Variants in PHF6 observed in about 807,000 individuals in gnomAD.
PHF6 encodes the protein PHD finger protein 6.
In PHF6, 7 loss-of-function variants were observed where a neutral mutation model predicts 34.0. That is an observed-to-expected ratio of 0.21 (90% CI 0.12 to 0.39). The LOEUF (loss-of-function observed/expected upper bound fraction) is 0.39, where lower values mean the gene tolerates loss of function less well. Ranked by LOEUF, PHF6 falls within the 10% of genes least tolerant of loss-of-function variation. PHF6 has a pLI of 1.00. For synonymous variants in PHF6, 89 were observed against 88.4 expected, an observed-to-expected ratio of 1.01 and a Z score of -0.04; for missense variants, 128 against 262.8, an observed-to-expected ratio of 0.49 and a Z score of 3.55.
intron 3 of PHF6, among the ~76,000 whole-genome samples, chrX:134,381,694 C>A (rs2077308280): frequency 9.1e-6 from 1 of 109,841 alleles, no homozygotes; most frequent in African/African-American, 3.3e-5. Context: ...GGGGTTTCAC[C>A]ATGTTAGGCT....
At chrX:134,393,429 A>T (rs1245595042) in intron 3 of PHF6, 72 bp from the exon 4 acceptor site, 1 of 1,073,235 alleles carries the variant, frequency 9.3e-7, no homozygotes, top group Non-Finnish European at 1.3e-6. Context: ...ACAGAAATTG[A>T]TATGCCTCTA....
Position 134,393,756 on chromosome X carries a change from A to G in PHF6, c.374+122A>G, listed in dbSNP as rs7059389. The G allele has an allele frequency of 5.9e-3, 4,846 of 820,021 alleles. 156 individuals carry two copies. The African/African-American group carries it at 0.088, about 15-fold the overall frequency. The allele number at this position is 820,021 out of a possible 1,213,427, so 67.6% of individuals were successfully genotyped here. On this transcript the variant is annotated intron_variant, in intron 4 of 10. Transcript: ENST00000370803. Reference sequence around the variant, plus strand: ...ATCATAAAGGGTGTTTTTGATAAGAAATTTAATACTTAGAGAAATAGTACA... The same window carrying G: ...ATCATAAAGGGTGTTTTTGATAAGAGATTTAATACTTAGAGAAATAGTACA...
In PHF6 at chrX:134,413,539, C is replaced by T. The variant is rs749522213; in HGVS notation, c.467C>T (p.Pro156Leu). Residue 156 changes from proline (P) to leucine (L), a missense_variant, in exon 6 of 11, where the codon CCT becomes CTT. Pro to Leu is a moderately conservative substitution (Grantham distance 98). Coordinates refer to ENST00000370803, the MANE Select transcript of PHF6 (RefSeq NM_001015877.2). ...FNEHELEPSS[P>L]KSKKKSRKGR... ...GAACATGAACTGGAGCCCTCATCAC[C>T]TAAAAGTAAAAAGAAAAGTCGCAAA... 1 of 1,210,549 alleles carries T rather than the reference C, an allele frequency of 8.3e-7. No homozygotes were observed.
intron 5 of PHF6, among the ~76,000 whole-genome samples, chrX:134,398,461 G>A (rs771078356): frequency 4.5e-5 from 5 of 111,804 alleles, no homozygotes; most frequent in African/African-American, 9.8e-5. Context: ...GGCCACAATG[G>A]TAGGGATTTT....
chrX:134,417,882 A>G (rs1052559520), intron 9 of PHF6: 2 of 112,498 alleles, frequency 1.8e-5, no homozygotes, highest in African/African-American at 3.3e-5. Flanking sequence ...AAAAAACACT[A>G]CATATACTCT....
At chrX:134,405,388 A>G (rs2077418725) in intron 5 of PHF6, among the ~76,000 whole-genome samples, 1 of 111,198 alleles carries the variant, frequency 9.0e-6, no homozygotes, top group Admixed American at 9.6e-5. Flanking sequence ...TAGTAGAGAC[A>G]GGGTTTTGCC....
intron 3 of PHF6, among the ~76,000 whole-genome samples, chrX:134,385,280 TTCTG>T (rs1449401838): frequency 1.8e-5 from 2 of 111,102 alleles, no homozygotes; most frequent in African/African-American, 6.5e-5. Context: ...CTCTCAAAAG[TTCTG>T]TCTGTTTTTG....
intron 9 of PHF6, among the ~76,000 whole-genome samples, chrX:134,422,168 C>T (rs2077494315): frequency 9.0e-6 from 1 of 111,048 alleles, no homozygotes; most frequent in Non-Finnish European, 1.9e-5. Context: ...AGCGATCCAC[C>T]CGCCCCAGCC....
At chrX:134,400,696 C>T (rs1033350215) in intron 5 of PHF6, among the ~76,000 whole-genome samples, 17 of 110,814 alleles carry the variant, frequency 1.5e-4, no homozygotes, top group African/African-American at 5.6e-4. Context: ...AGGAAGTTTG[C>T]CTGGAGAAAT....
intron 4 of PHF6, 129 bp downstream of exon 4, chrX:134,393,763 T>C (rs2077364886): frequency 2.5e-6 from 2 of 810,080 alleles, no homozygotes; most frequent in East Asian, 3.4e-5. Flanking sequence ...AGAAATTTAA[T>C]ACTTAGAGAA....
chrX:134,411,818 C>T (rs184393222), intron 5 of PHF6, among the ~76,000 whole-genome samples: 121 of 111,410 alleles, frequency 1.1e-3, no homozygotes, highest in African/African-American at 3.7e-3. Context: ...CTGCAACCTC[C>T]GCCTCCCGGG....
At chrX:134,392,564 G>C in intron 3 of PHF6, among the ~76,000 whole-genome samples, 1 of 111,802 alleles carries the variant, frequency 8.9e-6, no homozygotes, top group Non-Finnish European at 1.9e-5. Flanking sequence ...TCTTTTATCT[G>C]TTTGCCTGAA....
At position 134,394,133 on chromosome X, in the gene PHF6, C is replaced by CT. The variant is rs1158831168; in HGVS notation, c.418+196dup. Among the ~76,000 whole-genome samples, 408 of 100,787 alleles carry CT rather than the reference C, an allele frequency of 4.0e-3. 3 individuals are homozygous for CT. The highest frequency in any genetic ancestry group is 8.9e-3 in the African/African-American group (251 of 28,066). 87.5% of individuals were successfully genotyped at this position (100,787 alleles called of 115,157 possible). A position where few individuals can be genotyped will look rare whatever the true frequency, so the allele number is the denominator to read the frequency against. ...TGCATAGTGAAAAAGATCTGAACTT[C>CT]TTTTTTTTTTTTTTTCCTGAAACGA... On this transcript the variant is annotated intron_variant, in intron 5 of 10. Transcript: ENST00000370803.
chrX:134,408,242 A>G (rs757635871), intron 5 of PHF6, among the ~76,000 whole-genome samples: 17 of 112,610 alleles, frequency 1.5e-4, no homozygotes, highest in Non-Finnish European at 3.2e-4. Context: ...GGATTTATCT[A>G]TTAATAAAAT....
intron 5 of PHF6, among the ~76,000 whole-genome samples, chrX:134,399,747 G>A (rs1213450738): frequency 9.1e-6 from 1 of 109,755 alleles, no homozygotes; most frequent in African/African-American, 3.3e-5. Flanking sequence ...AGAGTGGTAC[G>A]CTTATTACAA....
intron 5 of PHF6, among the ~76,000 whole-genome samples, chrX:134,399,062 G>A (rs1213386252): frequency 9.0e-6 from 1 of 111,030 alleles, no homozygotes; most frequent in African/African-American, 3.3e-5. Context: ...GCCTGCAAAG[G>A]GAGAGAAAAA....
chrX:134,395,175 G>A (rs2077372396), intron 5 of PHF6, among the ~76,000 whole-genome samples: 1 of 111,922 alleles, frequency 8.9e-6, no homozygotes, highest in African/African-American at 3.2e-5. Context: ...CTTTAAGGAT[G>A]ATAAATGGGA....
chrX:134,409,003 C>T (rs1035214051), intron 5 of PHF6, among the ~76,000 whole-genome samples: 3 of 112,078 alleles, frequency 2.7e-5, no homozygotes, highest in African/African-American at 9.7e-5. Context: ...CCTGAGCTAC[C>T]GCACCGGCCC....
chrX:134,384,936 C>T (rs970945606), intron 3 of PHF6, among the ~76,000 whole-genome samples: 1 of 111,968 alleles, frequency 8.9e-6, no homozygotes, highest in African/African-American at 3.2e-5. Context: ...CAGGCGTGAG[C>T]CACTGCGCCC....
Sources: allele counts gnomAD v4.1 joint callset (sites outside exome capture counted in the v4.1 genomes callset), GRCh38; gene constraint gnomAD v4.1.1; transcripts MANE v1.5; gene names NCBI Gene and HGNC (gene_info 2026-07-23, HGNC 2026-07-21).